Variants in PCSK2 observed in about 807,000 individuals in gnomAD.
The protein encoded by PCSK2 is proprotein convertase subtilisin/kexin type 2, also known as neuroendocrine convertase 2.
In PCSK2, 14 loss-of-function variants were observed where a neutral mutation model predicts 69.7. The observed-to-expected ratio is 0.20, with a 90% CI of 0.13 to 0.31. The LOEUF is 0.31. Among genes scored for constraint, PCSK2 ranks in the 10% least tolerant of loss-of-function variants. The pLI, the probability that PCSK2 is intolerant of heterozygous loss-of-function variation, is 1.00. For synonymous variants in PCSK2, 307 were observed against 320.7 expected (o/e 0.96, Z 0.46); for missense variants, 544 against 842.5 (o/e 0.65, Z 4.39).
intron 11 of PCSK2, among the ~76,000 whole-genome samples, chr20:17,477,206 A>G (rs1016962872): frequency 6.6e-6 from 1 of 152,194 alleles, no homozygotes. Context: ...GCTTTACAAG[A>G]TGTGTGTTTA....
chr20:17,322,484 T>C (rs1196545537), intron 2 of PCSK2, among the ~76,000 whole-genome samples: 1 of 152,212 alleles, frequency 6.6e-6, no homozygotes, highest in Non-Finnish European at 1.5e-5. Context: ...TTAAACAATG[T>C]CATATGGTTG....
At chr20:17,402,859 AGGC>A (rs1312724864) in intron 5 of PCSK2, among the ~76,000 whole-genome samples, 1 of 151,986 alleles carries the variant, frequency 6.6e-6, no homozygotes, top group Non-Finnish European at 1.5e-5. Flanking sequence ...CGGGAGGCTG[AGGC>A]GGGAGAATGG....
intron 6 of PCSK2, among the ~76,000 whole-genome samples, chr20:17,412,008 G>A (rs888903870): frequency 2.0e-5 from 3 of 152,152 alleles, no homozygotes; most frequent in African/African-American, 7.2e-5. Context: ...ACATCCACAC[G>A]AAAACCCCAT....
chr20:17,285,815 A>G (rs1243343845), intron 2 of PCSK2, among the ~76,000 whole-genome samples: 2 of 152,160 alleles, frequency 1.3e-5, no homozygotes, highest in Admixed American at 6.5e-5. Flanking sequence ...GACACACTCA[A>G]CTTCATCCAG....
intron 2 of PCSK2, among the ~76,000 whole-genome samples, chr20:17,286,051 T>A (rs1988500898): frequency 6.6e-6 from 1 of 152,176 alleles, no homozygotes. Flanking sequence ...TGCAAAAAAA[T>A]GCATAAATGT....
intron 2 of PCSK2, among the ~76,000 whole-genome samples, chr20:17,311,100 G>A (rs1484799768): frequency 2.0e-5 from 3 of 151,684 alleles, no homozygotes; most frequent in Non-Finnish European, 4.4e-5. Flanking sequence ...TCAACAACTA[G>A]AGTAGTTTGA....
chr20:17,421,356 A>G (rs1206665938), intron 6 of PCSK2, among the ~76,000 whole-genome samples: 5 of 152,082 alleles, frequency 3.3e-5, no homozygotes, highest in African/African-American at 1.2e-4. Context: ...ATTCTAACCT[A>G]TTCTGCCTGA....
chr20:17,408,755 G>T (rs902747692), intron 5 of PCSK2, among the ~76,000 whole-genome samples: 7 of 152,202 alleles, frequency 4.6e-5, no homozygotes, highest in African/African-American at 1.7e-4. Context: ...TCAGGGCCTT[G>T]GGCATGGGGT....
chr20:17,301,331 G>A (rs1989075712), intron 2 of PCSK2, among the ~76,000 whole-genome samples: 1 of 152,156 alleles, frequency 6.6e-6, no homozygotes, highest in Non-Finnish European at 1.5e-5. Flanking sequence ...AGCTGGAGGA[G>A]GAGGAGGGCT....
At chr20:17,346,319 G>A (rs561898413) in intron 2 of PCSK2, among the ~76,000 whole-genome samples, 6 of 152,288 alleles carry the variant, frequency 3.9e-5, no homozygotes, top group Admixed American at 6.5e-5. Flanking sequence ...CCAGGGAGGT[G>A]TAGTGCTGAG....
chr20:17,433,718 T>C (rs1024700250), intron 7 of PCSK2, among the ~76,000 whole-genome samples: 2 of 151,880 alleles, frequency 1.3e-5, no homozygotes, highest in African/African-American at 4.8e-5. Context: ...GTGTCTGTTC[T>C]TGCCCATCAA....
intron 4 of PCSK2, among the ~76,000 whole-genome samples, chr20:17,367,196 T>C (rs969174258): frequency 6.6e-6 from 1 of 152,138 alleles, no homozygotes; most frequent in Non-Finnish European, 1.5e-5. Context: ...TCTTAACAAA[T>C]AGAAGCAATT....
chr20:17,438,935 G>A (rs985526949), intron 8 of PCSK2, among the ~76,000 whole-genome samples: 3 of 152,116 alleles, frequency 2.0e-5, no homozygotes, highest in East Asian at 1.9e-4. Context: ...TTCCTTGCTC[G>A]CAGGTTGCTC....
At chr20:17,420,466 G>A (rs1424672004) in intron 6 of PCSK2, among the ~76,000 whole-genome samples, 1 of 152,202 alleles carries the variant, frequency 6.6e-6, no homozygotes. Context: ...CCAGAGCACA[G>A]TGAAATCCAA....
At chr20:17,439,149 C>A (rs958117900) in intron 8 of PCSK2, among the ~76,000 whole-genome samples, 1 of 148,052 alleles carries the variant, frequency 6.8e-6, no homozygotes, top group Non-Finnish European at 1.5e-5. Flanking sequence ...TTTTTTTTTT[C>A]TTTTGAGATA....
chr20:17,226,217 C>G (rs768042635), upstream of PCSK2: 3 of 152,178 alleles, frequency 2.0e-5, no homozygotes, highest in Non-Finnish European at 4.4e-5. Flanking sequence ...CTTGGAGGTG[C>G]AGCCAGGACT....
chr20:17,382,098 G>A (rs193282443), intron 5 of PCSK2, among the ~76,000 whole-genome samples: 1,941 of 152,108 alleles, frequency 0.013, 17 homozygotes, highest in Non-Finnish European at 0.02. Flanking sequence ...TTAATAACTC[G>A]CAAATCCATC....
intron 1 of PCSK2, among the ~76,000 whole-genome samples, chr20:17,237,017 G>C (rs1288344098): frequency 6.6e-6 from 1 of 152,182 alleles, no homozygotes; most frequent in East Asian, 1.9e-4. Flanking sequence ...GCAGAGGCAA[G>C]TGGGAAAGAA....
intron 6 of PCSK2, among the ~76,000 whole-genome samples, chr20:17,426,614 C>T (rs2032253994): frequency 6.6e-6 from 1 of 152,190 alleles, no homozygotes; most frequent in African/African-American, 2.4e-5. Context: ...CCAAAATCTG[C>T]AGGGTGAGCC....
Sources: gnomAD v4.1 joint callset for allele counts (sites outside exome capture counted in the v4.1 genomes callset) on GRCh38, gnomAD v4.1.1 for gene constraint, MANE v1.5 for transcripts, NCBI Gene and HGNC (gene_info 2026-07-23, HGNC 2026-07-21) for gene names.